Variants in EXTL3 observed in about 807,000 individuals in gnomAD.
EXTL3 encodes the protein exostosin like glycosyltransferase 3.
In EXTL3, 27 loss-of-function variants were observed where a neutral mutation model predicts 69.3. That is an observed-to-expected ratio of 0.39 (90% CI 0.29 to 0.54). The LOEUF is 0.54. Among genes scored for constraint, EXTL3 ranks in the 20% least tolerant of loss-of-function variants. The probability of loss-of-function intolerance (pLI) is 0.69; values close to 1 mark genes in which losing one functional copy is unlikely to be tolerated. For synonymous variants in EXTL3, 511 were observed against 499.4 expected (o/e 1.02, Z -0.31); for missense variants, 1,003 against 1,231.8 (o/e 0.81, Z 2.78).
At chr8:28,619,039 C>T (rs1806366501), upstream of EXTL3, among the ~76,000 whole-genome samples, 1 of 143,260 alleles carries the variant, frequency 7.0e-6, no homozygotes, top group Non-Finnish European at 1.5e-5. Context: ...TTGCAGTGAG[C>T]CAAGATTGCA....
At chr8:28,691,652 C>G (rs946283153) in intron 1 of EXTL3, among the ~76,000 whole-genome samples, 1 of 148,196 alleles carries the variant, frequency 6.7e-6, no homozygotes, top group African/African-American at 2.5e-5. Flanking sequence ...AATCCCAGCA[C>G]TTTGGGAGGC....
Position 28,701,515 on chromosome 8 carries a change from C to A in EXTL3, c.-714C>A. On this transcript the variant is annotated 5_prime_UTR_variant, in exon 1 of 7. Coordinates refer to ENST00000220562, the MANE Select transcript of EXTL3 (RefSeq NM_001440.4). ...TTCGGCAAGTTCCGCAGTCGCCTGT[C>A]GGAAATGGCTGCCGGCCGGCAGGGG... is the stretch of plus-strand genomic sequence containing the variant. The A allele has an allele frequency of 6.6e-6, 1 of 152,602 alleles. No individual in the cohort carries two copies. Among genetic ancestry groups the A allele is most frequent in the South Asian group, 1.8e-4 (1 of 5,572 alleles). 9.5% of individuals were successfully genotyped at this position (152,602 alleles called of 1,614,324 possible). A position where few individuals can be genotyped will look rare whatever the true frequency, so the allele number is the denominator to read the frequency against.
At chr8:28,631,641 C>G (rs752310227) in intron 1 of EXTL3, 2 of 152,120 alleles carry the variant, frequency 1.3e-5, no homozygotes, top group African/African-American at 4.8e-5. Flanking sequence ...TAGCAACCAT[C>G]CAGGGAATAT....
intron 1 of EXTL3, among the ~76,000 whole-genome samples, chr8:28,650,491 G>A (rs1392911272): frequency 1.3e-5 from 2 of 151,898 alleles, no homozygotes; most frequent in African/African-American, 4.8e-5. Context: ...CCGAGCAGCT[G>A]GGATTACAGG....
chr8:28,627,566 G>T (rs1000677825), intron 1 of EXTL3, among the ~76,000 whole-genome samples: 13 of 151,758 alleles, frequency 8.6e-5, no homozygotes, highest in Non-Finnish European at 1.6e-4. Flanking sequence ...ATTATCATGT[G>T]ATCAGCAATG....
At position 28,684,135 on chromosome 8, in the gene EXTL3, C is replaced by T. The variant is rs138537362; in HGVS notation, c.-52-29322C>T. 2.1e-3 allele frequency among the ~76,000 whole-genome samples: 326 copies of T among 152,260 alleles called. 1 individual carries two copies. Among genetic ancestry groups the T allele is most frequent in the African/African-American group, 7.6e-3 (314 of 41,554 alleles). On this transcript the variant is annotated intron_variant, in intron 1 of 6. Transcript: ENST00000523149. Reference sequence around the variant, plus strand: ...CATTTTTATATGGTGGAATAGTCCTCCCTTGTGTATATGCACCACATTTTC... The same window carrying T: ...CATTTTTATATGGTGGAATAGTCCTTCCTTGTGTATATGCACCACATTTTC...
intron 1 of EXTL3, among the ~76,000 whole-genome samples, chr8:28,663,344 T>G (rs1348787038): frequency 6.6e-6 from 1 of 152,206 alleles, no homozygotes; most frequent in Non-Finnish European, 1.5e-5. Context: ...AGGCAAGGGC[T>G]CAGGCAGATC....
At position 28,717,838 on chromosome 8, in the gene EXTL3, C is replaced by G. The variant is rs1479689005; in HGVS notation, c.1779C>G (p.Phe593Leu). 4 of 1,611,842 alleles carry G rather than the reference C, an allele frequency of 2.5e-6. No homozygotes were observed. The highest frequency in any genetic ancestry group is 2.7e-5 in the African/African-American group (2 of 74,878). ...PYASPRYLRNFTLTVTDFYRS... is the reference protein window; with the variant it reads ...PYASPRYLRNLTLTVTDFYRS... Reference sequence around the variant, plus strand: ...CCTCACCCAGATACCTCCGCAATTTCACTCTGACTGTCACTGACTTTTACC... The same window carrying G: ...CCTCACCCAGATACCTCCGCAATTTGACTCTGACTGTCACTGACTTTTACC... The change falls in exon 3 of 7, where the codon TTC (phenylalanine) becomes TTG (leucine). Residue 593 changes from phenylalanine to leucine, a missense_variant. By Grantham distance (22) the Phe-to-Leu change is conservative (BLOSUM62 0). Coordinates refer to ENST00000220562, the MANE Select transcript of EXTL3 (RefSeq NM_001440.4). This position sits in a 1 kb window ranked among gnomAD's most constrained non-coding sequence, Gnocchi z 8.3.
Position 28,652,362 on chromosome 8 carries a change from A to C in EXTL3, c.-53+29552A>C, listed in dbSNP as rs1333329151. 6.6e-5 allele frequency among the ~76,000 whole-genome samples: 10 copies of C among 150,816 alleles called. No homozygotes were observed. The East Asian group carries it at 1.7e-3, about 26-fold the overall frequency. On this transcript the variant is annotated intron_variant, in intron 1 of 6. Transcript: ENST00000523149. Reference sequence around the variant, plus strand: ...TCTTCCACATTTGCTATTTTCCTTTAAAAAAAAATTATAGCCTGGTGTTGT... The same window carrying C: ...TCTTCCACATTTGCTATTTTCCTTTCAAAAAAAATTATAGCCTGGTGTTGT...
chr8:28,698,725 G>A (rs1254668902), upstream of EXTL3, among the ~76,000 whole-genome samples: 1 of 152,168 alleles, frequency 6.6e-6, no homozygotes, highest in African/African-American at 2.4e-5. Flanking sequence ...CGGGCGTGGT[G>A]GCTCATGCCT....
chr8:28,737,725 G>T, intron 5 of EXTL3, 62 bp downstream of exon 5: 1 of 1,538,410 alleles, frequency 6.5e-7, no homozygotes, highest in African/African-American at 1.4e-5. Context: ...GTGTGGTAGC[G>T]GAATGCTGCC....
intron 4 of EXTL3, among the ~76,000 whole-genome samples, chr8:28,735,947 T>C (rs1801643861): frequency 6.6e-6 from 1 of 152,076 alleles, no homozygotes; most frequent in African/African-American, 2.4e-5. Context: ...GGCCCCTAGG[T>C]AGTCATTCAT....
At chr8:28,670,726 C>G (rs1343596920) in intron 1 of EXTL3, among the ~76,000 whole-genome samples, 1 of 152,192 alleles carries the variant, frequency 6.6e-6, no homozygotes, top group Non-Finnish European at 1.5e-5. Flanking sequence ...CCAAGCACAG[C>G]AGGCTTTACT....
chr8:28,745,466 C>T (rs143080660), intron 6 of EXTL3, among the ~76,000 whole-genome samples: 72 of 152,274 alleles, frequency 4.7e-4, no homozygotes, highest in African/African-American at 1.6e-3. Context: ...TTTCCAGGTA[C>T]AGTGGTAGGT....
In EXTL3 at chr8:28,624,569, T is replaced by TA. The variant is rs539021612; in HGVS notation, c.-53+1764dup. On this transcript the variant is annotated intron_variant, in intron 1 of 6. Coordinates refer to the EXTL3 transcript ENST00000523149. ...CAGAGTGAGACCCTGTCTCAAAAAA[T>TA]AAAAATCATTTTGTAATTGTGAGTA... Among the ~76,000 whole-genome samples, 300 of 152,018 alleles carry TA rather than the reference T, an allele frequency of 2.0e-3. 1 individual carries two copies. The highest frequency in any genetic ancestry group is 3.0e-3 in the Non-Finnish European group (201 of 67,924).
intron 1 of EXTL3, among the ~76,000 whole-genome samples, chr8:28,637,587 C>T (rs1270670000): frequency 6.6e-6 from 1 of 151,850 alleles, no homozygotes; most frequent in Non-Finnish European, 1.5e-5. Flanking sequence ...CACTTGAGCC[C>T]AGGAGTTTGA....
chr8:28,640,871 G>A (rs2130583048), intron 1 of EXTL3, among the ~76,000 whole-genome samples: 1 of 152,288 alleles, frequency 6.6e-6, no homozygotes, highest in East Asian at 1.9e-4. Flanking sequence ...CAAAGTGCTG[G>A]GATTATAGGC....
At chr8:28,650,890 C>A (rs1172590342) in intron 1 of EXTL3, among the ~76,000 whole-genome samples, 1 of 151,886 alleles carries the variant, frequency 6.6e-6, no homozygotes, top group African/African-American at 2.4e-5. Flanking sequence ...AAATTTACTT[C>A]TTGTTATTTT....
At chr8:28,656,175 A>AT (rs34224320) in intron 1 of EXTL3, among the ~76,000 whole-genome samples, 53,097 of 148,768 alleles carry the variant, frequency 0.36, 9,888 homozygotes, top group African/African-American at 0.48. Context: ...TTGTTCAACC[A>AT]TTTTTTTTTT....
Sources: gnomAD v4.1 joint callset for allele counts (sites outside exome capture counted in the v4.1 genomes callset) on GRCh38, gnomAD v4.1.1 for gene constraint, Gnocchi (gnomAD v3.1) non-coding constraint, MANE v1.5 for transcripts, NCBI Gene and HGNC (gene_info 2026-07-23, HGNC 2026-07-21) for gene names.